Variants in FYB2 observed in about 807,000 individuals in gnomAD.
The protein encoded by FYB2 is FYN binding protein 2.
A neutral mutation model predicts 94.1 loss-of-function variants in FYB2; 103 were observed. The ratio of observed to expected loss-of-function variants is 1.09; its 90% CI spans 0.93 to 1.29. The LOEUF (loss-of-function observed/expected upper bound fraction) is 1.29. Ranked by LOEUF, FYB2 falls within the 50% of genes most tolerant of loss-of-function variation. FYB2 has a pLI of 0.00. For missense variants in FYB2, 896 were observed against 841.5 expected (o/e 1.06, Z -0.80); for synonymous variants, 293 against 287.9 (o/e 1.02, Z -0.18).
chr1:56,800,852 T>C (rs1557663122), intron 1 of FYB2, among the ~76,000 whole-genome samples: 1 of 152,070 alleles, frequency 6.6e-6, no homozygotes, highest in Non-Finnish European at 1.5e-5. Context: ...ACCACATGCT[T>C]TCCTCACCTC....
chr1:56,778,677 A>T (rs1238899213), intron 4 of FYB2, among the ~76,000 whole-genome samples: 2 of 152,212 alleles, frequency 1.3e-5, no homozygotes, highest in Non-Finnish European at 2.9e-5. Context: ...CAATCAAAGC[A>T]TTCATAAAAA....
chr1:56,752,262 C>A (rs1645217658), intron 8 of FYB2, among the ~76,000 whole-genome samples: 1 of 151,924 alleles, frequency 6.6e-6, no homozygotes, highest in Non-Finnish European at 1.5e-5. Flanking sequence ...CCAGGGAAAA[C>A]CCTGATCACA....
At chr1:56,813,100 C>T (rs1232538254) in intron 1 of FYB2, among the ~76,000 whole-genome samples, 1 of 152,314 alleles carries the variant, frequency 6.6e-6, no homozygotes, top group Non-Finnish European at 1.5e-5. Flanking sequence ...TGTATCTTCA[C>T]ATTGTCTCAC....
chr1:56,771,198 TA>T (rs34966801), intron 4 of FYB2, among the ~76,000 whole-genome samples: 15,758 of 152,082 alleles, frequency 0.1, 1,491 homozygotes, highest in African/African-American at 0.25. Context: ...TTTGAAATGG[TA>T]AAAATTTACA....
chr1:56,790,607 A>G (rs1053539190), intron 2 of FYB2, among the ~76,000 whole-genome samples: 1 of 152,150 alleles, frequency 6.6e-6, no homozygotes, highest in Non-Finnish European at 1.5e-5. Flanking sequence ...TTTATTTACT[A>G]TATTCCAGGT....
intron 4 of FYB2, among the ~76,000 whole-genome samples, chr1:56,773,567 G>A (rs1645809955): frequency 1.3e-5 from 2 of 152,212 alleles, no homozygotes; most frequent in Non-Finnish European, 2.9e-5. Context: ...GAATCACAAT[G>A]TGGAAAATGC....
At chr1:56,795,153 C>T (rs747386886) in intron 1 of FYB2, among the ~76,000 whole-genome samples, 6 of 151,746 alleles carry the variant, frequency 4.0e-5, no homozygotes, top group Non-Finnish European at 8.8e-5. Context: ...TAAATAAGTC[C>T]ATATTCCACC....
At position 56,816,095 on chromosome 1, in the gene FYB2, T is replaced by A. The variant is rs569086601; in HGVS notation, c.9+3187A>T. ...AAGGATATATATAATTGTCCTGATA[T>A]CTGTTAATGAAAACAAACCACCCCA... On this transcript the variant is annotated intron_variant, in intron 1 of 19. Transcript: ENST00000343433. Among the ~76,000 whole-genome samples the A allele has an allele frequency of 2.0e-5, 3 of 152,340 alleles. No individual in the cohort carries two copies. The South Asian group carries it at 6.2e-4, about 32-fold the overall frequency.
intron 5 of FYB2, among the ~76,000 whole-genome samples, chr1:56,761,693 G>T (rs1645497945): frequency 6.6e-6 from 1 of 152,066 alleles, no homozygotes; most frequent in South Asian, 2.1e-4. Flanking sequence ...ACTAAACAAG[G>T]ATGGTCTTCC....
chr1:56,817,255 C>T, intron 1 of FYB2, among the ~76,000 whole-genome samples: 1 of 152,216 alleles, frequency 6.6e-6, no homozygotes, highest in Non-Finnish European at 1.5e-5. Flanking sequence ...CCTTGAAACA[C>T]CCACGACCTT....
In FYB2 at chr1:56,751,152, T is replaced by A; in HGVS notation, c.1279A>T (p.Thr427Ser). The A allele has an allele frequency of 6.2e-7, 1 of 1,612,764 alleles. No individual in the cohort carries two copies. The highest frequency in any genetic ancestry group is 1.7e-5 in the Admixed American group (1 of 59,844). Residue 427 changes from threonine (T) to serine (S), a missense_variant, in exon 9 of 20, where the codon ACA (threonine) becomes TCA (serine). Coordinates refer to ENST00000343433, the MANE Select transcript of FYB2 (RefSeq NM_001004303.5). ...CCAGCCAACATGTTCCTTCTACCTG[T>A]GTGGACGTTGGTCATCTGAATTTTT... Reference protein sequence around the residue: ...PEKIQMTNVHTGRRNMLAGKQ... With the variant: ...PEKIQMTNVHSGRRNMLAGKQ...
intron 16 of FYB2, among the ~76,000 whole-genome samples, chr1:56,724,768 G>C (rs1238052765): frequency 6.6e-6 from 1 of 151,992 alleles, no homozygotes; most frequent in African/African-American, 2.4e-5. Context: ...ATCTTAGAAA[G>C]TGGGTTATCC....
intron 6 of FYB2, among the ~76,000 whole-genome samples, chr1:56,758,493 G>A (rs572869604): frequency 1.3e-5 from 2 of 152,232 alleles, no homozygotes; most frequent in East Asian, 1.9e-4. Context: ...AAGGGCTATG[G>A]ATGAATTGGG....
At chr1:56,739,396 C>A (rs764811585) in intron 13 of FYB2, among the ~76,000 whole-genome samples, 6 of 152,024 alleles carry the variant, frequency 3.9e-5, no homozygotes, top group Non-Finnish European at 8.8e-5. Flanking sequence ...AATTTATAAA[C>A]CTCATGTTTT....
intron 1 of FYB2, among the ~76,000 whole-genome samples, chr1:56,807,075 C>A (rs1026165153): frequency 2.0e-5 from 3 of 152,130 alleles, no homozygotes; most frequent in Non-Finnish European, 4.4e-5. Flanking sequence ...CTAGAAACTG[C>A]CTGCCAGGGA....
chr1:56,751,127 C>T lies in FYB2; in HGVS notation c.1304G>A (p.Gly435Glu), dbSNP rs773660053. 2.5e-6 allele frequency: 4 copies of T among 1,612,832 alleles called. No homozygotes were observed. In the South Asian group the frequency reaches 4.4e-5, roughly 18 times the overall value. Reference protein sequence around the residue: ...VHTGRRNMLAGKQEAMIDIIQ... With the variant: ...VHTGRRNMLAEKQEAMIDIIQ... ...GATGTCAATCATGGCCTCTTGCTTT[C>T]CAGCCAACATGTTCCTTCTACCTGT... Residue 435 changes from glycine to glutamate, a missense_variant, in exon 9 of 20, where the codon GGA becomes GAA. Transcript: ENST00000343433.
intron 4 of FYB2, among the ~76,000 whole-genome samples, chr1:56,782,201 G>C (rs976668196): frequency 1.3e-5 from 2 of 151,956 alleles, no homozygotes; most frequent in African/African-American, 4.8e-5. Flanking sequence ...TCGAACACTA[G>C]TTCTTATTTC....
chr1:56,766,597 T>C (rs857096), intron 5 of FYB2, among the ~76,000 whole-genome samples: 114,632 of 151,970 alleles, frequency 0.75, 44,454 homozygotes, highest in African/African-American at 0.94. Context: ...CCACCACACC[T>C]GGCTAAATTT....
At chr1:56,737,065 A>G in intron 15 of FYB2, 22 bp downstream of exon 15, 1 of 1,550,598 alleles carries the variant, frequency 6.4e-7, no homozygotes, top group Admixed American at 1.7e-5. Context: ...AGCAGGGATG[A>G]CCAATAAGGT....
Sources: gnomAD v4.1 joint callset for allele counts (sites outside exome capture counted in the v4.1 genomes callset) on GRCh38, gnomAD v4.1.1 for gene constraint, MANE v1.5 for transcripts, NCBI Gene and HGNC (gene_info 2026-07-23, HGNC 2026-07-21) for gene names.